The following DLG2 variants were observed in gnomAD, a reference collection of about 807,000 sequenced individuals.
DLG2 encodes the protein discs large MAGUK scaffold protein 2, also known as disks large homolog 2.
Under a neutral mutation model 132.5 loss-of-function variants are expected in DLG2, and 45 were observed. The observed-to-expected ratio is 0.34, with a 90% CI of 0.27 to 0.44. The LOEUF (loss-of-function observed/expected upper bound fraction) is 0.44. Among genes scored for constraint, DLG2 ranks in the 20% least tolerant of loss-of-function variants. The probability of loss-of-function intolerance (pLI) is 1.00; values close to 1 mark genes in which losing one functional copy is unlikely to be tolerated. For missense variants in DLG2, 1,045 were observed against 1,196.9 expected (o/e 0.87, Z 1.87); for synonymous variants, 424 against 419.6 (o/e 1.01, Z -0.13).
chr11:84,189,227 G>A (rs1597044714), intron 8 of DLG2, among the ~76,000 whole-genome samples: 1 of 152,104 alleles, frequency 6.6e-6, no homozygotes, highest in African/African-American at 2.4e-5. Context: ...TGAATAAAAA[G>A]CTCAACATCA....
chr11:83,510,830 G>A (rs950740939), intron 21 of DLG2, among the ~76,000 whole-genome samples: 1 of 88,776 alleles, frequency 1.1e-5, no homozygotes, highest in East Asian at 3.5e-4. Flanking sequence ...TGAACCATCC[G>A]TTTTTTTTTT....
At chr11:85,139,655 C>G (rs2076338068) in intron 5 of DLG2, among the ~76,000 whole-genome samples, 1 of 151,924 alleles carries the variant, frequency 6.6e-6, no homozygotes. Context: ...CTAAAATCTA[C>G]TCATTTAGCA....
intron 3 of DLG2, among the ~76,000 whole-genome samples, chr11:85,370,002 A>G (rs1270205010): frequency 6.6e-6 from 1 of 152,246 alleles, no homozygotes; most frequent in African/African-American, 2.4e-5. Context: ...AGGTGAACTG[A>G]AGAATGCAGG....
intron 6 of DLG2, among the ~76,000 whole-genome samples, chr11:84,810,181 A>G (rs1250173754): frequency 6.6e-6 from 1 of 152,128 alleles, no homozygotes; most frequent in Non-Finnish European, 1.5e-5. Flanking sequence ...TACAAACTAC[A>G]GCATAGGAGA....
chr11:84,098,343 TG>T (rs1233150286), intron 10 of DLG2, among the ~76,000 whole-genome samples: 6 of 152,196 alleles, frequency 3.9e-5, no homozygotes, highest in Admixed American at 3.3e-4. Flanking sequence ...CAGGCCATCC[TG>T]TGCTCTTCAT....
chr11:83,846,316 G>C (rs1440037562), intron 16 of DLG2, among the ~76,000 whole-genome samples: 2 of 152,192 alleles, frequency 1.3e-5, no homozygotes, highest in Non-Finnish European at 2.9e-5. Context: ...GACTGGGAAG[G>C]AACATGGATG....
At chr11:84,461,803 CT>C (rs759320616) in intron 7 of DLG2, among the ~76,000 whole-genome samples, 5 of 150,388 alleles carry the variant, frequency 3.3e-5, no homozygotes, top group Non-Finnish European at 7.5e-5. Flanking sequence ...AGTTTTTTTC[CT>C]GTGGTAGATA....
chr11:85,394,388 G>C (rs773048881), intron 3 of DLG2, among the ~76,000 whole-genome samples: 6 of 152,092 alleles, frequency 3.9e-5, no homozygotes, highest in Non-Finnish European at 7.4e-5. Flanking sequence ...AATGAGCATG[G>C]CAATAGCCAC....
chr11:84,714,843 C>A (rs1335518134), intron 6 of DLG2, among the ~76,000 whole-genome samples: 2 of 151,652 alleles, frequency 1.3e-5, no homozygotes, highest in African/African-American at 4.8e-5. Context: ...TTAATAAAAC[C>A]AAATTATTTT....
chr11:84,713,157 T>C (rs1652158069), intron 6 of DLG2, among the ~76,000 whole-genome samples: 1 of 152,124 alleles, frequency 6.6e-6, no homozygotes, highest in South Asian at 2.1e-4. Context: ...CACTTAAGCA[T>C]AGAATCCTGC....
intron 10 of DLG2, among the ~76,000 whole-genome samples, chr11:84,085,975 A>T (rs1014510162): frequency 2.0e-5 from 3 of 152,200 alleles, no homozygotes; most frequent in African/African-American, 7.2e-5. Context: ...CAGAAATGCT[A>T]TTTATCAGAT....
chr11:84,967,424 C>A (rs3911270), intron 6 of DLG2, among the ~76,000 whole-genome samples: 2 of 151,882 alleles, frequency 1.3e-5, no homozygotes, highest in South Asian at 4.2e-4. Context: ...TGAATGCAAG[C>A]TGTTCTTTGG....
At chr11:84,481,812 G>A (rs2099138534) in intron 7 of DLG2, among the ~76,000 whole-genome samples, 1 of 152,120 alleles carries the variant, frequency 6.6e-6, no homozygotes, top group Non-Finnish European at 1.5e-5. Context: ...CCAGTAAAAT[G>A]TCGTACTGCA....
rs371131136 is a variant in DLG2 at position 84,802,365 on chromosome 11, C to CCAGCAGCAGCAGCAG, written c.358-267649_358-267635dup. On this transcript the variant is annotated intron_variant, in intron 6 of 27. Coordinates refer to ENST00000376104, the MANE Select transcript of DLG2 (RefSeq NM_001142699.3). ...AAGGAATAATGAAGCACTCCGGAAC[C>CCAGCAGCAGCAGCAG]CAGCAGCAGCAGCAGCAGCAGCAGC... Among the ~76,000 whole-genome samples, 11 of 150,142 alleles carry CCAGCAGCAGCAGCAG rather than the reference C, an allele frequency of 7.3e-5. No individual in the cohort carries two copies. The South Asian group carries it at 2.3e-3, about 32-fold the overall frequency.
chr11:84,600,101 AGAAG>A (rs1299107000), intron 6 of DLG2, among the ~76,000 whole-genome samples: 19 of 150,336 alleles, frequency 1.3e-4, no homozygotes, highest in Admixed American at 2.7e-4. Context: ...AAAAAAAGTA[AGAAG>A]GAAGGAAGGA....
At chr11:83,976,755 A>C (rs1193278788) in intron 12 of DLG2, among the ~76,000 whole-genome samples, 2 of 151,960 alleles carry the variant, frequency 1.3e-5, no homozygotes, top group African/African-American at 4.8e-5. Flanking sequence ...AAAAAAAACT[A>C]TGCTTTAAAA....
At chr11:84,741,448 T>C (rs929574064) in intron 6 of DLG2, among the ~76,000 whole-genome samples, 1 of 152,014 alleles carries the variant, frequency 6.6e-6, no homozygotes, top group African/African-American at 2.4e-5. Context: ...ACACGTACCC[T>C]TGATCTAAGA....
intron 3 of DLG2, among the ~76,000 whole-genome samples, chr11:85,404,943 T>C (rs2088573020): frequency 6.6e-6 from 1 of 152,014 alleles, no homozygotes; most frequent in Non-Finnish European, 1.5e-5. Flanking sequence ...AAAGTGATCC[T>C]TGGACAGTCA....
At chr11:84,620,839 A>G (rs1202086543) in intron 6 of DLG2, among the ~76,000 whole-genome samples, 1 of 152,142 alleles carries the variant, frequency 6.6e-6, no homozygotes, top group Non-Finnish European at 1.5e-5. Flanking sequence ...TGACTTAGTA[A>G]TTTCAATCCT....
Sources: allele counts gnomAD v4.1 joint callset (sites outside exome capture counted in the v4.1 genomes callset), GRCh38; gene constraint gnomAD v4.1.1; transcripts MANE v1.5; gene names NCBI Gene and HGNC (gene_info 2026-07-23, HGNC 2026-07-21).